PIK3AP1: variants seen among roughly 807,000 people sequenced by gnomAD.
PIK3AP1 encodes the protein phosphoinositide-3-kinase adaptor protein 1, also known as phosphoinositide 3-kinase adapter protein 1.
Under a neutral mutation model 88.1 loss-of-function variants are expected in PIK3AP1, and 21 were observed. The ratio of observed to expected loss-of-function variants is 0.24; its 90% confidence interval spans 0.17 to 0.34. The LOEUF is 0.34. Ranked by LOEUF, PIK3AP1 falls within the 10% of genes least tolerant of loss-of-function variation. The pLI is 1.00. For missense variants in PIK3AP1, 828 were observed against 1,035.7 expected (o/e 0.80, Z 2.75); for synonymous variants, 398 against 400.0 (o/e 1.00, Z 0.06).
At chr10:96,601,436 T>C (rs1848890162) in intron 16 of PIK3AP1, among the ~76,000 whole-genome samples, 1 of 122,226 alleles carries the variant, frequency 8.2e-6, no homozygotes, top group Non-Finnish European at 1.6e-5. Flanking sequence ...ATCACACCAC[T>C]GCACTCCAGC....
intron 2 of PIK3AP1, among the ~76,000 whole-genome samples, chr10:96,657,381 G>T (rs969707822): frequency 6.6e-6 from 1 of 152,170 alleles, no homozygotes; most frequent in Non-Finnish European, 1.5e-5. Context: ...AGGTCTCAGG[G>T]TTATGGCTAG....
chr10:96,686,730 C>A (rs1416856547), intron 2 of PIK3AP1, among the ~76,000 whole-genome samples: 2 of 152,110 alleles, frequency 1.3e-5, no homozygotes, highest in Non-Finnish European at 2.9e-5. Context: ...CAGTCAGGTT[C>A]CTGCAGACTG....
At chr10:96,710,180 C>A (rs1300424825) in intron 1 of PIK3AP1, among the ~76,000 whole-genome samples, 197 bp from the exon 2 acceptor site, 1 of 152,044 alleles carries the variant, frequency 6.6e-6, no homozygotes, top group Non-Finnish European at 1.5e-5. Flanking sequence ...ATACCAGACT[C>A]CTTATCTTTG....
chr10:96,634,901 C>T (rs1201503979), intron 8 of PIK3AP1, among the ~76,000 whole-genome samples: 1 of 152,176 alleles, frequency 6.6e-6, no homozygotes, highest in Non-Finnish European at 1.5e-5. Flanking sequence ...TTTCCAGACT[C>T]TAGAGGCCAC....
In PIK3AP1 at chr10:96,654,181, G is replaced by A. The variant is rs558213427; in HGVS notation, c.568-1339C>T. Among the ~76,000 whole-genome samples, 41 of 152,204 alleles carry A rather than the reference G, an allele frequency of 2.7e-4. No individual in the cohort carries two copies. In the South Asian group the frequency reaches 5.6e-3, roughly 21 times the overall value. ...GATTAATTTTCCCAAACCATCGAGC[G>A]CCTCGAATAGCTCTTTTAGCTTGCT... On this transcript the variant is annotated intron_variant, in intron 3 of 16. Transcript: ENST00000339364.
Position 96,698,712 on chromosome 10 carries a change from G to A in PIK3AP1, c.430+10855C>T, listed in dbSNP as rs149118750. Among the ~76,000 whole-genome samples the A allele has an allele frequency of 6.4e-3, 971 of 150,760 alleles. 7 individuals carry two copies. Among genetic ancestry groups the A allele is most frequent in the Admixed American group, 0.012 (188 of 15,152 alleles). On this transcript the variant is annotated intron_variant, in intron 2 of 16. Coordinates refer to ENST00000339364, the MANE Select transcript of PIK3AP1 (RefSeq NM_152309.3). ...CATGCCACTGCACTCCAGCTTGGGTGACAGAGAAAGACTCTGTCTCAAAAT... is the reference window on the plus strand; with the variant it reads ...CATGCCACTGCACTCCAGCTTGGGTAACAGAGAAAGACTCTGTCTCAAAAT...
At chr10:96,601,788 G>T (rs987695806) in intron 16 of PIK3AP1, among the ~76,000 whole-genome samples, 1 of 152,162 alleles carries the variant, frequency 6.6e-6, no homozygotes, top group Non-Finnish European at 1.5e-5. Context: ...CATTGCATTT[G>T]CTATTTAAAG....
intron 2 of PIK3AP1, among the ~76,000 whole-genome samples, chr10:96,665,424 C>A (rs188023636): frequency 2.6e-5 from 4 of 152,348 alleles, no homozygotes; most frequent in Admixed American, 2.6e-4. Flanking sequence ...CTCTTTCACA[C>A]TCCTGTCCAG....
chr10:96,633,398 C>T (rs1214155783), intron 8 of PIK3AP1, among the ~76,000 whole-genome samples: 1 of 152,102 alleles, frequency 6.6e-6, no homozygotes, highest in Non-Finnish European at 1.5e-5. Context: ...TTATCTTGGG[C>T]CAAGTTTTTA....
At chr10:96,680,863 C>A (rs1843990588) in intron 2 of PIK3AP1, among the ~76,000 whole-genome samples, 1 of 152,108 alleles carries the variant, frequency 6.6e-6, no homozygotes, top group African/African-American at 2.4e-5. Context: ...CATTTATGGA[C>A]CTAAAAGCAG....
Position 96,711,569 on chromosome 10 carries a change from T to C in PIK3AP1, c.14-1586A>G, listed in dbSNP as rs150750278. On this transcript the variant is annotated intron_variant, in intron 1 of 16. Transcript: ENST00000339364. ...GGCCGCATTTCATTGATGCTTCCTG[T>C]TGAAAAGGACAGAGGCAGGACTTAG... Among the ~76,000 whole-genome samples the C allele has an allele frequency of 3.5e-3, 528 of 152,278 alleles. 2 individuals carry two copies. Among genetic ancestry groups the C allele is most frequent in the Middle Eastern group, 0.01 (3 of 294 alleles).
At chr10:96,700,784 G>A (rs1844286871) in intron 2 of PIK3AP1, 2 of 984,576 alleles carry the variant, frequency 2.0e-6, no homozygotes, top group African/African-American at 3.5e-5. Context: ...ATAAGCCCCA[G>A]AAGTCGTCCA....
At chr10:96,627,145 T>C (rs1476466630) in intron 9 of PIK3AP1, among the ~76,000 whole-genome samples, 1 of 152,206 alleles carries the variant, frequency 6.6e-6, no homozygotes, top group African/African-American at 2.4e-5. Context: ...GCACAAGGCT[T>C]TATCATCTCT....
intron 2 of PIK3AP1, among the ~76,000 whole-genome samples, chr10:96,686,756 G>A (rs1002254334): frequency 1.3e-5 from 2 of 151,956 alleles, no homozygotes; most frequent in African/African-American, 2.4e-5. Flanking sequence ...GCAGCTGTGC[G>A]TCATATCTCT....
intron 2 of PIK3AP1, among the ~76,000 whole-genome samples, chr10:96,676,262 GCA>G (rs1197436063): frequency 1.3e-5 from 2 of 151,086 alleles, no homozygotes; most frequent in African/African-American, 4.9e-5. Flanking sequence ...TCCATTGTAA[GCA>G]CCTATCTCAG....
At chr10:96,605,512 A>C (rs751591545) in intron 14 of PIK3AP1, among the ~76,000 whole-genome samples, 1 of 152,180 alleles carries the variant, frequency 6.6e-6, no homozygotes, top group Non-Finnish European at 1.5e-5. Context: ...AAATAAGGAG[A>C]TCTTAACTTT....
intron 10 of PIK3AP1, among the ~76,000 whole-genome samples, chr10:96,624,417 A>C (rs1419664365): frequency 6.6e-6 from 1 of 152,222 alleles, no homozygotes; most frequent in Admixed American, 6.5e-5. Context: ...GTATTATTTC[A>C]TCTGACCTTC....
intron 1 of PIK3AP1, among the ~76,000 whole-genome samples, chr10:96,717,897 C>A (rs1482947742): frequency 2.0e-5 from 3 of 152,200 alleles, no homozygotes; most frequent in Non-Finnish European, 4.4e-5. Context: ...TCCTGGATTT[C>A]AACAAGCAGA....
chr10:96,710,584 A>C (rs12573330), intron 1 of PIK3AP1, among the ~76,000 whole-genome samples: 20,967 of 152,082 alleles, frequency 0.14, 1,765 homozygotes, highest in East Asian at 0.24. Flanking sequence ...TTCCCCCCAC[A>C]CCTGAAGCAG....
Sources: allele counts gnomAD v4.1 joint callset (sites outside exome capture counted in the v4.1 genomes callset), GRCh38; gene constraint gnomAD v4.1.1; transcripts MANE v1.5; gene names NCBI Gene and HGNC (gene_info 2026-07-23, HGNC 2026-07-21).